The following AKT3 variants were observed in gnomAD, a reference collection of about 807,000 sequenced individuals.
The protein encoded by AKT3 is RAC-gamma serine/threonine-protein kinase.
A neutral mutation model predicts 65.3 loss-of-function variants in AKT3; 15 were observed. That is an observed-to-expected ratio of 0.23 (90% CI 0.15 to 0.35). The LOEUF (loss-of-function observed/expected upper bound fraction) is 0.35. AKT3 is among the 10% of genes least tolerant of loss of function. The pLI is 1.00. For synonymous variants in AKT3, 206 were observed against 183.8 expected, an observed-to-expected ratio of 1.12 and a Z score of -0.98; for missense variants, 243 against 576.5, an observed-to-expected ratio of 0.42 and a Z score of 5.92.
chr1:243,832,120 T>TAAAAAAAAAAAAAAAAAAA, intron 2 of AKT3, among the ~76,000 whole-genome samples: 1 of 44,756 alleles, frequency 2.2e-5, no homozygotes, highest in Non-Finnish European at 3.9e-5. Context: ...TCCCTAAAAC[T>TAAAAAAAAAAAAAAAAAAA]AAAAAAAAAA....
chr1:243,808,990 T>C (rs1376589230), intron 2 of AKT3, among the ~76,000 whole-genome samples: 4 of 152,162 alleles, frequency 2.6e-5, no homozygotes, highest in Admixed American at 6.5e-5. Context: ...CTGAGAGATT[T>C]TGTCACCACC....
At chr1:243,515,620 T>C (rs915572338) in intron 12 of AKT3, among the ~76,000 whole-genome samples, 1 of 152,220 alleles carries the variant, frequency 6.6e-6, no homozygotes, top group African/African-American at 2.4e-5. Context: ...TATTGTTAGA[T>C]TTGATTTGCT....
Position 243,531,807 on chromosome 1 carries a change from C to T in AKT3, c.1251+13703G>A, listed in dbSNP as rs569710830. On this transcript the variant is annotated intron_variant, in intron 12 of 13. Coordinates refer to ENST00000673466, the MANE Select transcript of AKT3 (RefSeq NM_005465.7). The stretch of plus-strand genomic sequence containing the variant: ...ATTTCTTTCAGCAATGTTTTGTAGT[C>T]GGTAGTGTATAAGTCTTGTGCTTCC... Among the ~76,000 whole-genome samples, 112 of 152,080 alleles carry T rather than the reference C, an allele frequency of 7.4e-4. 2 individuals carry two copies. The highest frequency in any genetic ancestry group is 1.2e-3 in the Non-Finnish European group (79 of 67,966).
At chr1:243,850,323 AG>A (rs1695724063), upstream of AKT3, among the ~76,000 whole-genome samples, 1 of 59,834 alleles carries the variant, frequency 1.7e-5, no homozygotes, top group Non-Finnish European at 3.9e-5. Context: ...CGGCGGCGGG[AG>A]GGGGAGGGAG....
At chr1:243,672,999 A>G (rs1683253273) in intron 3 of AKT3, among the ~76,000 whole-genome samples, 1 of 152,226 alleles carries the variant, frequency 6.6e-6, no homozygotes, top group Non-Finnish European at 1.5e-5. Context: ...GAATTATAAG[A>G]GGCATGCAAA....
intron 2 of AKT3, among the ~76,000 whole-genome samples, chr1:243,813,127 T>C (rs1304642016): frequency 6.6e-6 from 1 of 151,826 alleles, no homozygotes; most frequent in Admixed American, 6.6e-5. Context: ...TGTATACATA[T>C]GTAACAAACC....
At chr1:243,575,441 C>G (rs1172876973) in intron 8 of AKT3, among the ~76,000 whole-genome samples, 3 of 152,124 alleles carry the variant, frequency 2.0e-5, no homozygotes, top group Non-Finnish European at 4.4e-5. Context: ...CATGAGTATA[C>G]ACTTAACTCC....
intron 2 of AKT3, among the ~76,000 whole-genome samples, chr1:243,777,021 A>C (rs1021242388): frequency 3.9e-5 from 6 of 152,202 alleles, no homozygotes; most frequent in Admixed American, 3.3e-4. Context: ...GGTTAAATAA[A>C]GTAAAACAAG....
Position 243,499,830 on chromosome 1 carries a change from TAC to T in AKT3, c.*5417_*5418del. ...AATAAATGATTTACAAAGAGATATTTACATTCATCTGGTTTAGACTTAATATG... is the reference window on the plus strand; with the variant it reads ...AATAAATGATTTACAAAGAGATATTTATTCATCTGGTTTAGACTTAATATG... On this transcript the variant is annotated 3_prime_UTR_variant, in exon 14 of 14. Coordinates refer to ENST00000673466, the MANE Select transcript of AKT3 (RefSeq NM_005465.7). 1 of 1,586,148 alleles carries T rather than the reference TAC, an allele frequency of 6.3e-7. No individual in the cohort carries two copies. The highest frequency in any genetic ancestry group is 8.6e-7 in the Non-Finnish European group (1 of 1,156,232).
chr1:243,751,210 G>T (rs1037899380), intron 2 of AKT3, among the ~76,000 whole-genome samples: 1 of 151,742 alleles, frequency 6.6e-6, no homozygotes, highest in Non-Finnish European at 1.5e-5. Context: ...GAATCATGAA[G>T]AACAATATTT....
At chr1:243,693,240 TTTGA>T (rs1684816603) in intron 3 of AKT3, among the ~76,000 whole-genome samples, 4 of 56,498 alleles carry the variant, frequency 7.1e-5, no homozygotes, top group Non-Finnish European at 1.1e-4. Flanking sequence ...GTAGCTACAA[TTTGA>T]TATATATATA....
chr1:243,743,802 G>A (rs1399561377), intron 2 of AKT3, among the ~76,000 whole-genome samples: 4 of 152,230 alleles, frequency 2.6e-5, no homozygotes, highest in African/African-American at 4.8e-5. Flanking sequence ...TTACACCCAG[G>A]AGTTTAAGAC....
chr1:243,495,999 G>A (rs903819508), downstream of AKT3, among the ~76,000 whole-genome samples: 2 of 152,224 alleles, frequency 1.3e-5, no homozygotes, highest in East Asian at 3.9e-4. Flanking sequence ...CTTGATTTCT[G>A]GCAGAGAAAA....
rs1295045969 is a variant in AKT3 at position 243,503,198 on chromosome 1, A to G, written c.*2051T>C. 4.3e-6 allele frequency: 1 copy of G among 233,620 alleles called. No homozygotes were observed. The highest frequency in any genetic ancestry group is 8.5e-6 in the Non-Finnish European group (1 of 118,066). 14.5% of individuals were successfully genotyped at this position (233,620 alleles called of 1,614,324 possible). A position where few individuals can be genotyped will look rare whatever the true frequency, so the allele number is the denominator to read the frequency against. The stretch of plus-strand genomic sequence containing the variant: ...AAGGATGAACTTCACTCAGGTAGAA[A>G]TATGAAAAAGAAGGATAACGTTGAT... On this transcript the variant is annotated 3_prime_UTR_variant, in exon 14 of 14. Transcript: ENST00000673466.
chr1:243,593,825 T>C (rs1676410284), intron 8 of AKT3, among the ~76,000 whole-genome samples: 1 of 152,236 alleles, frequency 6.6e-6, no homozygotes, highest in East Asian at 1.9e-4. Flanking sequence ...GAAAAACTTA[T>C]GACTAACATC....
At chr1:243,568,905 T>C (rs1186542765) in intron 9 of AKT3, among the ~76,000 whole-genome samples, 1 of 152,150 alleles carries the variant, frequency 6.6e-6, no homozygotes, top group Non-Finnish European at 1.5e-5. Context: ...GACTAAATAT[T>C]TGAAAGTTTA....
At chr1:243,763,938 C>A (rs1459350755) in intron 2 of AKT3, among the ~76,000 whole-genome samples, 1 of 152,006 alleles carries the variant, frequency 6.6e-6, no homozygotes, top group African/African-American at 2.4e-5. Flanking sequence ...TCAATCTAAT[C>A]AGCAGAATAC....
rs59651532 is a variant in AKT3 at position 243,514,943 on chromosome 1, G to A, written c.1252-2517C>T. The stretch of plus-strand genomic sequence containing the variant: ...TCTACCACTTCAAATGTCTTCTTGT[G>A]CCCATGTGTACTTCCATCCTCCCAT... On this transcript the variant is annotated intron_variant, in intron 12 of 13. Transcript: ENST00000673466. Among the ~76,000 whole-genome samples, 1,086 of 152,252 alleles carry A rather than the reference G, an allele frequency of 7.1e-3. 17 individuals are homozygous for A. Among genetic ancestry groups the A allele is most frequent in the African/African-American group, 0.025 (1,049 of 41,530 alleles).
chr1:243,799,693 T>C (rs1176450560), intron 2 of AKT3, among the ~76,000 whole-genome samples: 3 of 152,216 alleles, frequency 2.0e-5, no homozygotes, highest in African/African-American at 7.2e-5. Flanking sequence ...CTTTCAAATA[T>C]ATGACAAAAT....
Sources: allele counts gnomAD v4.1 joint callset (sites outside exome capture counted in the v4.1 genomes callset), GRCh38; gene constraint gnomAD v4.1.1; transcripts MANE v1.5; gene names NCBI Gene and HGNC (gene_info 2026-07-23, HGNC 2026-07-21).